DIS3L2: variants seen among roughly 807,000 people sequenced by gnomAD.
The protein encoded by DIS3L2 is DIS3 like 3'-5' exoribonuclease 2.
In DIS3L2, 34 loss-of-function variants were observed where a neutral mutation model predicts 97.5. The ratio of observed to expected loss-of-function variants is 0.35; its 90% CI spans 0.27 to 0.46. DIS3L2 has a LOEUF of 0.46. Among genes scored for constraint, DIS3L2 ranks in the 20% least tolerant of loss-of-function variants. The probability of loss-of-function intolerance (pLI) is 1.00; values close to 1 mark genes in which losing one functional copy is unlikely to be tolerated. For missense variants in DIS3L2, 1,038 were observed against 1,146.0 expected (o/e 0.91, Z 1.36); for synonymous variants, 435 against 445.2 (o/e 0.98, Z 0.29).
intron 6 of DIS3L2, among the ~76,000 whole-genome samples, chr2:232,120,839 T>C (rs1307181609): frequency 6.6e-6 from 1 of 152,104 alleles, no homozygotes; most frequent in Non-Finnish European, 1.5e-5. Context: ...AGTTGGCGTT[T>C]CTCTGTCCTT....
chr2:232,126,583 C>G (rs930188028), intron 6 of DIS3L2, among the ~76,000 whole-genome samples: 5 of 152,252 alleles, frequency 3.3e-5, no homozygotes, highest in African/African-American at 1.2e-4. Flanking sequence ...TGTAAGGTTA[C>G]TCCTGGAAGT....
chr2:231,984,760 C>T (rs916181180), intron 1 of DIS3L2, among the ~76,000 whole-genome samples: 4 of 152,078 alleles, frequency 2.6e-5, no homozygotes, highest in African/African-American at 7.2e-5. Context: ...ACTGGGATTA[C>T]ATGCGTGCGC....
chr2:232,185,871 G>C (rs980808129), intron 9 of DIS3L2, among the ~76,000 whole-genome samples: 3 of 146,388 alleles, frequency 2.0e-5, no homozygotes, highest in African/African-American at 7.5e-5. Flanking sequence ...AAAAAAGCAC[G>C]ATATGCCCAA....
intron 8 of DIS3L2, among the ~76,000 whole-genome samples, chr2:232,142,350 G>A (rs1356146753): frequency 6.6e-6 from 1 of 152,174 alleles, no homozygotes; most frequent in African/African-American, 2.4e-5. Flanking sequence ...GGAGGAGAAT[G>A]ATCCTGATCC....
At chr2:231,967,160 GA>G (rs1417777356) in intron 1 of DIS3L2, among the ~76,000 whole-genome samples, 2 of 152,196 alleles carry the variant, frequency 1.3e-5, no homozygotes, top group African/African-American at 4.8e-5. Flanking sequence ...CATGAGGGGA[GA>G]AGGGCTGATG....
intron 13 of DIS3L2, among the ~76,000 whole-genome samples, chr2:232,263,695 A>T (rs1693782519): frequency 6.6e-6 from 1 of 152,146 alleles, no homozygotes; most frequent in Middle Eastern, 3.2e-3. Context: ...CAAGGCAAAG[A>T]GTGGGTCTGT....
intron 5 of DIS3L2, among the ~76,000 whole-genome samples, chr2:232,039,210 A>C (rs1424694697): frequency 6.6e-6 from 1 of 152,132 alleles, no homozygotes; most frequent in African/African-American, 2.4e-5. Context: ...TCCTTAGCCC[A>C]CCTGTGATAG....
intron 13 of DIS3L2, among the ~76,000 whole-genome samples, chr2:232,279,188 C>T (rs1284782796): frequency 2.6e-5 from 4 of 152,128 alleles, no homozygotes; most frequent in Non-Finnish European, 2.9e-5. Context: ...CTACCCACCT[C>T]GGCCTCTCAA....
In DIS3L2 at chr2:232,238,455, C is replaced by CAG. The variant is rs1692993223; in HGVS notation, c.1205-77_1205-76insGA. 3 of 1,212,378 alleles carry CAG rather than the reference C, an allele frequency of 2.5e-6. No individual in the cohort carries two copies. The African/African-American group carries it at 4.5e-5, about 18-fold the overall frequency. The allele number at this position is 1,212,378 out of a possible 1,614,324, so 75.1% of individuals were successfully genotyped here. ...TCCTGTGGCCTCTGGGAGTGACATA[C>CAG]ATTCTAGGAAAGGACTCCTGGGAGA... is the stretch of plus-strand genomic sequence containing the variant. On this transcript the variant is annotated intron_variant, in intron 10 of 20. Transcript: ENST00000325385.
intron 5 of DIS3L2, among the ~76,000 whole-genome samples, chr2:232,083,282 C>T (rs1696462310): frequency 1.0e-3 from 2 of 1,930 alleles, no homozygotes; most frequent in African/African-American, 1.9e-3. Flanking sequence ...TTTATACCCC[C>T]CCCCCCCCCC....
chr2:232,330,732 G>T lies in DIS3L2; in HGVS notation c.1966G>T (p.Ala656Ser). 1 of 1,613,666 alleles carries T rather than the reference G, an allele frequency of 6.2e-7. No individual in the cohort carries two copies. The change falls in exon 16 of 21, where the codon GCC (alanine) becomes TCC (serine). Residue 656 changes from alanine (A) to serine (S), a missense_variant. Transcript: ENST00000325385. Reference sequence around the variant, plus strand: ...ATTTGGAGATGACAAGTACTCACTGGCCCGCAAGGAGGTGCTCACCAACAT... The same window carrying T: ...ATTTGGAGATGACAAGTACTCACTGTCCCGCAAGGAGGTGCTCACCAACAT... ...QTFGDDKYSLARKEVLTNMCS... is the reference protein window; with the variant it reads ...QTFGDDKYSLSRKEVLTNMCS...
chr2:232,191,836 G>A (rs1691625842), intron 9 of DIS3L2, among the ~76,000 whole-genome samples: 1 of 152,188 alleles, frequency 6.6e-6, no homozygotes, highest in Admixed American at 6.5e-5. Flanking sequence ...CTTTAAATGT[G>A]TGTTCAGTTA....
downstream of DIS3L2, among the ~76,000 whole-genome samples, chr2:232,337,963 C>T (rs1316783747): frequency 2.7e-5 from 4 of 150,522 alleles, no homozygotes; most frequent in Non-Finnish European, 5.9e-5. Flanking sequence ...CTGCCACCCC[C>T]GAGATGTCCC....
chr2:232,156,760 C>T (rs1690506631), intron 8 of DIS3L2, among the ~76,000 whole-genome samples: 2 of 152,286 alleles, frequency 1.3e-5, no homozygotes, highest in South Asian at 4.1e-4. Flanking sequence ...CTAGGTCAGC[C>T]TCACAAACAC....
At chr2:232,004,873 C>T (rs57679476) in intron 1 of DIS3L2, among the ~76,000 whole-genome samples, 16,304 of 152,164 alleles carry the variant, frequency 0.11, 2,068 homozygotes, top group African/African-American at 0.31. Context: ...TGAGCCACTA[C>T]ACCTGGTCTA....
At chr2:231,978,210 A>G (rs1056995423) in intron 1 of DIS3L2, among the ~76,000 whole-genome samples, 1 of 152,238 alleles carries the variant, frequency 6.6e-6, no homozygotes, top group African/African-American at 2.4e-5. Flanking sequence ...TAGCAGGACA[A>G]TGAATACCCA....
At position 232,130,897 on chromosome 2, in the gene DIS3L2, T is replaced by C. The variant is rs550356618; in HGVS notation, c.702+178T>C. The C allele has an allele frequency of 1.7e-4, 160 of 916,860 alleles. No individual in the cohort carries two copies. The African/African-American group carries it at 2.5e-3, about 14-fold the overall frequency. 56.8% of individuals were successfully genotyped at this position (916,860 alleles called of 1,614,324 possible). A position where few individuals can be genotyped will look rare whatever the true frequency, so the allele number is the denominator to read the frequency against. ...CTTTAAACATATAAATACGAATCCA[T>C]CTTCCTGCCTTTGGATAAGGGGTCA... On this transcript the variant is annotated intron_variant, in intron 7 of 20. Transcript: ENST00000325385.
rs958196816 is a variant in DIS3L2 at position 232,292,985 on chromosome 2, C to T, written c.1660-7055C>T. ...CTCTCCTGCTTGACATGGCAGCTGC[C>T]TCTGGAGAGAGAAAGACCTTGTGAA... On this transcript the variant is annotated intron_variant, in intron 13 of 20. Coordinates refer to ENST00000325385, the MANE Select transcript of DIS3L2 (RefSeq NM_152383.5). This position sits in a 1 kb window ranked among gnomAD's most constrained non-coding sequence, Gnocchi z 4.4. Among the ~76,000 whole-genome samples the T allele has an allele frequency of 6.6e-6, 1 of 152,118 alleles. No homozygotes were observed. The highest frequency in any genetic ancestry group is 1.5e-5 in the Non-Finnish European group (1 of 68,038).
intron 11 of DIS3L2, among the ~76,000 whole-genome samples, chr2:232,245,994 G>A (rs1693236751): frequency 6.6e-6 from 1 of 152,246 alleles, no homozygotes; most frequent in South Asian, 2.1e-4. Flanking sequence ...CCAGTCAGTT[G>A]TCTACACACT....
Sources: allele counts gnomAD v4.1 joint callset (sites outside exome capture counted in the v4.1 genomes callset), GRCh38; gene constraint gnomAD v4.1.1; non-coding constraint Gnocchi (gnomAD v3.1); transcripts MANE v1.5; gene names NCBI Gene and HGNC (gene_info 2026-07-23, HGNC 2026-07-21).